EVA1C: variants seen among roughly 807,000 people sequenced by gnomAD.
EVA1C encodes the protein protein eva-1 homolog C.
EVA1C carries 25 observed loss-of-function variants against 45.4 expected under a neutral mutation model. The observed-to-expected ratio is 0.55, with a 90% CI of 0.40 to 0.77. EVA1C has a LOEUF of 0.77. EVA1C is among the 30% of genes least tolerant of loss of function. The probability of loss-of-function intolerance (pLI) is 0.00; values close to 1 mark genes in which losing one functional copy is unlikely to be tolerated. For synonymous variants in EVA1C, 190 were observed against 221.2 expected, an observed-to-expected ratio of 0.86 and a Z score of 1.25; for missense variants, 479 against 554.8, an observed-to-expected ratio of 0.86 and a Z score of 1.37.
intron 1 of EVA1C, among the ~76,000 whole-genome samples, chr21:32,438,071 C>T (rs766633237): frequency 6.6e-6 from 1 of 152,210 alleles, no homozygotes; most frequent in Non-Finnish European, 1.5e-5. Flanking sequence ...TCACCCCCAC[C>T]CTGCTTGATC....
intron 1 of EVA1C, among the ~76,000 whole-genome samples, chr21:32,424,131 C>T (rs1442796509): frequency 2.6e-5 from 4 of 152,196 alleles, no homozygotes; most frequent in African/African-American, 7.2e-5. Context: ...GATGCGTACT[C>T]GTGACAGCTT....
At chr21:32,454,450 G>T (rs1274389599) in intron 2 of EVA1C, among the ~76,000 whole-genome samples, 1 of 152,126 alleles carries the variant, frequency 6.6e-6, no homozygotes, top group African/African-American at 2.4e-5. Flanking sequence ...TTTAGGGAAA[G>T]ATTTGGTATA....
chr21:32,450,112 T>C (rs2035524420), intron 1 of EVA1C, among the ~76,000 whole-genome samples: 1 of 152,154 alleles, frequency 6.6e-6, no homozygotes, highest in Non-Finnish European at 1.5e-5. Context: ...AATAAGAATA[T>C]GGTAAGGCCA....
chr21:32,496,867 G>A (rs2037368669), intron 5 of EVA1C: 2 of 987,608 alleles, frequency 2.0e-6, no homozygotes, highest in African/African-American at 3.2e-5. Context: ...TAAATCTGGA[G>A]ATATATTCAG....
intron 3 of EVA1C, among the ~76,000 whole-genome samples, chr21:32,458,615 G>A (rs896232573): frequency 1.3e-5 from 2 of 151,736 alleles, no homozygotes; most frequent in Non-Finnish European, 2.9e-5. Flanking sequence ...CTGAGTAACT[G>A]GGACTACAGG....
chr21:32,472,135 A>G (rs1370685152), intron 4 of EVA1C, among the ~76,000 whole-genome samples: 1 of 152,064 alleles, frequency 6.6e-6, no homozygotes, highest in Non-Finnish European at 1.5e-5. Context: ...TGGTAGATGA[A>G]AGTTGGATTT....
chr21:32,497,036 G>T, intron 5 of EVA1C: 2 of 1,331,312 alleles, frequency 1.5e-6, no homozygotes, highest in Non-Finnish European at 2.2e-6. Flanking sequence ...TGTATTGACA[G>T]CTATGGATGA....
intron 1 of EVA1C, among the ~76,000 whole-genome samples, chr21:32,448,776 G>A (rs975441205): frequency 2.6e-5 from 4 of 152,160 alleles, no homozygotes; most frequent in African/African-American, 9.6e-5. Flanking sequence ...AGGCGTGGTG[G>A]TGCATGCCTG....
At chr21:32,457,491 G>C in intron 2 of EVA1C, 106 bp from the exon 3 acceptor site, 1 of 1,355,112 alleles carries the variant, frequency 7.4e-7, no homozygotes, top group Non-Finnish European at 1.0e-6. Context: ...TTGGCCAGGT[G>C]GGGAGGCGTC....
intron 1 of EVA1C, among the ~76,000 whole-genome samples, chr21:32,429,320 C>T (rs1388876204): frequency 2.3e-4 from 34 of 146,158 alleles, no homozygotes; most frequent in Admixed American, 2.0e-3. Context: ...GGATTTCAGG[C>T]GTGAGCCACC....
At chr21:32,483,962 ATGTGTGTGTGTGTGTGTG>A (rs55688415) in intron 4 of EVA1C, among the ~76,000 whole-genome samples, 65 of 147,232 alleles carry the variant, frequency 4.4e-4, no homozygotes, top group Non-Finnish European at 8.3e-4. Flanking sequence ...CTCACTGTTT[ATGTGTGTGTGTGTGTGTG>A]TGTGTGTGTG....
intron 4 of EVA1C, among the ~76,000 whole-genome samples, chr21:32,494,194 C>T (rs748613301): frequency 6.6e-6 from 1 of 152,134 alleles, no homozygotes; most frequent in African/African-American, 2.4e-5. Context: ...GATGTTGTGC[C>T]AGGGCACCGA....
intron 1 of EVA1C, among the ~76,000 whole-genome samples, chr21:32,425,729 G>C (rs1478867140): frequency 6.6e-6 from 1 of 152,164 alleles, no homozygotes. Context: ...CAGTCCAAGA[G>C]TGATTTTGTC....
At chr21:32,464,437 C>G (rs921159225) in intron 3 of EVA1C, among the ~76,000 whole-genome samples, 1 of 152,176 alleles carries the variant, frequency 6.6e-6, no homozygotes, top group South Asian at 2.1e-4. Flanking sequence ...TCTTGAGATT[C>G]TGTAGTTTTC....
chr21:32,424,830 A>AGAT (rs1028579619), intron 1 of EVA1C, among the ~76,000 whole-genome samples: 2 of 152,196 alleles, frequency 1.3e-5, no homozygotes, highest in East Asian at 3.9e-4. Context: ...GAATGTCCCA[A>AGAT]GATGATGATG....
intron 6 of EVA1C, among the ~76,000 whole-genome samples, chr21:32,501,902 C>T (rs1244060608): frequency 1.3e-5 from 2 of 152,032 alleles, no homozygotes; most frequent in South Asian, 4.2e-4. Context: ...GTACACACCA[C>T]CTTCCTCTTT....
intron 1 of EVA1C, chr21:32,428,468 CT>C (rs2034573863): frequency 6.6e-6 from 1 of 152,224 alleles, no homozygotes; most frequent in African/African-American, 2.4e-5. Flanking sequence ...ATGTCTTAGT[CT>C]GTTGCTCCTG....
chr21:32,505,210 G>A (rs749730271), intron 7 of EVA1C, among the ~76,000 whole-genome samples: 6 of 152,166 alleles, frequency 3.9e-5, no homozygotes, highest in Admixed American at 3.3e-4. Context: ...GCAAAGTTCA[G>A]TCTTGGGGTC....
At chr21:32,421,041 C>T (rs892057180) in intron 1 of EVA1C, among the ~76,000 whole-genome samples, 1 of 152,192 alleles carries the variant, frequency 6.6e-6, no homozygotes, top group African/African-American at 2.4e-5. Context: ...CCTCAAAGAA[C>T]TGATTATAGA....
Sources: allele counts gnomAD v4.1 joint callset (sites outside exome capture counted in the v4.1 genomes callset), GRCh38; gene constraint gnomAD v4.1.1; transcripts MANE v1.5; gene names NCBI Gene and HGNC (gene_info 2026-07-23, HGNC 2026-07-21).